Variants in RHOBTB1 observed in about 807,000 individuals in gnomAD.
RHOBTB1 encodes the protein rho-related BTB domain-containing protein 1.
A neutral mutation model predicts 71.6 loss-of-function variants in RHOBTB1; 40 were observed. That is an observed-to-expected ratio of 0.56 (90% CI 0.43 to 0.73). RHOBTB1 has a LOEUF of 0.73. Ranked by LOEUF, RHOBTB1 falls within the 30% of genes least tolerant of loss-of-function variation. RHOBTB1 has a pLI of 0.00. For missense variants in RHOBTB1, 797 were observed against 894.0 expected, an observed-to-expected ratio of 0.89 and a Z score of 1.38; for synonymous variants, 319 against 334.9, an observed-to-expected ratio of 0.95 and a Z score of 0.52.
At chr10:60,880,538 G>A (rs916243772) in intron 7 of RHOBTB1, among the ~76,000 whole-genome samples, 25 of 152,020 alleles carry the variant, frequency 1.6e-4, no homozygotes, top group African/African-American at 3.1e-4. Flanking sequence ...TGGTGAAAAC[G>A]ACAATTATGA....
intron 2 of RHOBTB1, among the ~76,000 whole-genome samples, chr10:60,931,635 G>A (rs2084260890): frequency 6.6e-6 from 1 of 151,994 alleles, no homozygotes; most frequent in Non-Finnish European, 1.5e-5. Context: ...TCACTTCTAA[G>A]AGTACACTTA....
intron 1 of RHOBTB1, among the ~76,000 whole-genome samples, chr10:60,994,031 A>G (rs2086959880): frequency 1.3e-5 from 2 of 152,174 alleles, no homozygotes; most frequent in Non-Finnish European, 2.9e-5. Context: ...AGGAGTTTCA[A>G]AATTTTAATC....
intron 2 of RHOBTB1, among the ~76,000 whole-genome samples, chr10:60,958,318 A>G (rs2085663790): frequency 6.6e-6 from 1 of 152,216 alleles, no homozygotes; most frequent in African/African-American, 2.4e-5. Context: ...TCATTTCTTT[A>G]GAAGCCCAAA....
chr10:60,923,838 C>T (rs1452296808), intron 2 of RHOBTB1, among the ~76,000 whole-genome samples: 1 of 152,130 alleles, frequency 6.6e-6, no homozygotes, highest in Admixed American at 6.5e-5. Flanking sequence ...CCTTGTCTGC[C>T]TCTCACCTTC....
chr10:60,872,293 G>T lies in RHOBTB1; in HGVS notation c.1816-3C>A, dbSNP rs1306030553. The T allele has an allele frequency of 1.9e-6, 3 of 1,609,358 alleles. No homozygotes were observed. The African/African-American group carries it at 4.0e-5, about 22-fold the overall frequency. The stretch of plus-strand genomic sequence containing the variant: ...GCCAACTGGTGGGCATTGTGAAACT[G>T]CAGAAAAGTGAGCAAAAGGAGGGTA... On this transcript the variant is annotated splice_polypyrimidine_tract_variant and splice_region_variant and intron_variant, in intron 9 of 10. Coordinates refer to ENST00000337910, the MANE Select transcript of RHOBTB1 (RefSeq NM_014836.5).
downstream of RHOBTB1, among the ~76,000 whole-genome samples, chr10:60,868,001 C>T (rs1188998210): frequency 3.3e-5 from 5 of 152,180 alleles, no homozygotes; most frequent in African/African-American, 4.8e-5. Context: ...CTGTGGCTCA[C>T]AGTGTTTAAT....
chr10:60,913,249 T>C (rs951407713), intron 2 of RHOBTB1, among the ~76,000 whole-genome samples: 4 of 152,192 alleles, frequency 2.6e-5, no homozygotes, highest in African/African-American at 7.2e-5. Context: ...AAGCTGAGGC[T>C]GGAGAACGAT....
intron 1 of RHOBTB1, among the ~76,000 whole-genome samples, chr10:61,000,892 C>T (rs2087239164): frequency 6.6e-6 from 1 of 152,154 alleles, no homozygotes; most frequent in Non-Finnish European, 1.5e-5. Flanking sequence ...AAAATCAATC[C>T]CGCATCACCT....
chr10:60,983,570 A>G (rs539774750), intron 2 of RHOBTB1, among the ~76,000 whole-genome samples: 1 of 152,304 alleles, frequency 6.6e-6, no homozygotes, highest in African/African-American at 2.4e-5. Flanking sequence ...TGATTCAGAT[A>G]TAATACTAGG....
chr10:60,899,330 A>C (rs1360275737), intron 4 of RHOBTB1, among the ~76,000 whole-genome samples: 1 of 152,048 alleles, frequency 6.6e-6, no homozygotes, highest in East Asian at 1.9e-4. Flanking sequence ...CTCTCTTTCA[A>C]CTCCGTCTGG....
chr10:60,885,997 A>G lies in RHOBTB1; in HGVS notation c.1575+115T>C, dbSNP rs1350054831. ...GATTATGACTAACAGTATGATGACC[A>G]CTCATGGAGCCAGTTTAAGGATTAA... On this transcript the variant is annotated intron_variant, in intron 7 of 10. Transcript: ENST00000337910. 23 of 754,798 alleles carry G rather than the reference A, an allele frequency of 3.0e-5. No homozygotes were observed. The East Asian group carries it at 5.4e-4, about 18-fold the overall frequency. The allele number at this position is 754,798 out of a possible 1,614,324, so 46.8% of individuals were successfully genotyped here. A position where few individuals can be genotyped will look rare whatever the true frequency, so the allele number is the denominator to read the frequency against.
chr10:60,881,408 G>C (rs888375346), intron 7 of RHOBTB1, among the ~76,000 whole-genome samples: 1 of 152,176 alleles, frequency 6.6e-6, no homozygotes, highest in Non-Finnish European at 1.5e-5. Flanking sequence ...AAAGCGCTAA[G>C]TGCTCTAAGA....
In RHOBTB1 at chr10:60,874,019, G is replaced by A. The variant is rs7073817; in HGVS notation, c.1815+935C>T. ...GAGCAATCTCCTCTGGCCACAGTAG[G>A]AAGGGCCTGAGCAGCACCTGCTGGA... On this transcript the variant is annotated intron_variant, in intron 9 of 10. Coordinates refer to ENST00000337910, the MANE Select transcript of RHOBTB1 (RefSeq NM_014836.5). Among the ~76,000 whole-genome samples the A allele has an allele frequency of 1.6e-3, 244 of 152,328 alleles. 1 individual carries two copies. Among genetic ancestry groups the A allele is most frequent in the African/African-American group, 5.7e-3 (237 of 41,576 alleles).
chr10:60,884,065 CTAA>C (rs915003282), intron 7 of RHOBTB1, among the ~76,000 whole-genome samples: 2 of 152,198 alleles, frequency 1.3e-5, no homozygotes, highest in African/African-American at 4.8e-5. Context: ...CAGGATAACT[CTAA>C]TATTTTTTCC....
intron 2 of RHOBTB1, among the ~76,000 whole-genome samples, chr10:60,921,560 A>G (rs982382546): frequency 2.0e-5 from 3 of 152,246 alleles, no homozygotes; most frequent in Non-Finnish European, 2.9e-5. Flanking sequence ...CACTGAGATT[A>G]TAAATTTTTG....
chr10:60,914,186 A>T (rs1421228704), intron 2 of RHOBTB1, among the ~76,000 whole-genome samples: 1 of 152,194 alleles, frequency 6.6e-6, no homozygotes, highest in Non-Finnish European at 1.5e-5. Context: ...AGACAGAAAA[A>T]GTTTTGGGTG....
rs146938055 is a variant in RHOBTB1 at position 60,991,612 on chromosome 10, T to A, written c.-162-5667A>T. The stretch of plus-strand genomic sequence containing the variant: ...TGCCCGGCTAATTTTTGTATTTTTT[T>A]AGTAGAGACGGGGTTTCACCATGTT... On this transcript the variant is annotated intron_variant, in intron 1 of 11. Coordinates refer to the RHOBTB1 transcript ENST00000357917. Among the ~76,000 whole-genome samples the A allele has an allele frequency of 2.6e-3, 396 of 152,136 alleles. 1 individual carries two copies. The highest frequency in any genetic ancestry group is 9.0e-3 in the African/African-American group (375 of 41,488).
In RHOBTB1 at chr10:60,871,156, A is replaced by G. The variant is rs976856479; in HGVS notation, c.*326T>C. 2 of 219,986 alleles carry G rather than the reference A, an allele frequency of 9.1e-6. No homozygotes were observed. Among genetic ancestry groups the G allele is most frequent in the African/African-American group, 4.6e-5 (2 of 43,812 alleles). The allele number at this position is 219,986 out of a possible 1,614,324, so 13.6% of individuals were successfully genotyped here. ...TAAAAATATTTTCCAATCTGGAATC[A>G]GAAACATGAAAGCTGAATTTTTTTT... On this transcript the variant is annotated 3_prime_UTR_variant, in exon 11 of 11. Coordinates refer to ENST00000337910, the MANE Select transcript of RHOBTB1 (RefSeq NM_014836.5).
intron 2 of RHOBTB1, among the ~76,000 whole-genome samples, chr10:60,933,709 A>T (rs560090230): frequency 6.6e-6 from 1 of 152,196 alleles, no homozygotes; most frequent in Non-Finnish European, 1.5e-5. Context: ...AAAAGAAAAA[A>T]AAAAGGAATG....
Sources: allele counts gnomAD v4.1 joint callset (sites outside exome capture counted in the v4.1 genomes callset), GRCh38; gene constraint gnomAD v4.1.1; transcripts MANE v1.5; gene names NCBI Gene and HGNC (gene_info 2026-07-23, HGNC 2026-07-21).